The following DNAH5 variants were observed in gnomAD, a reference collection of about 807,000 sequenced individuals.
The protein encoded by DNAH5 is dynein axonemal heavy chain 5.
A neutral mutation model predicts 518.2 loss-of-function variants in DNAH5; 372 were observed. The ratio of observed to expected loss-of-function variants is 0.72; its 90% CI spans 0.66 to 0.78. The LOEUF (loss-of-function observed/expected upper bound fraction) is 0.78, where lower values mean the gene tolerates loss of function less well. Ranked by LOEUF, DNAH5 falls within the 30% of genes least tolerant of loss-of-function variation. DNAH5 has a pLI of 0.00. For missense variants in DNAH5, 5,523 were observed against 5,687.0 expected, an observed-to-expected ratio of 0.97 and a Z score of 0.93; for synonymous variants, 2,039 against 2,025.9, an observed-to-expected ratio of 1.01 and a Z score of -0.17.
At chr5:13,752,048 G>A in intron 64 of DNAH5, 86 bp downstream of exon 64, 1 of 1,391,794 alleles carries the variant, frequency 7.2e-7, no homozygotes, top group Non-Finnish European at 1.0e-6. Flanking sequence ...TTAAGTTGTT[G>A]CCTATTGAGA....
intron 41 of DNAH5, 80 bp downstream of exon 41, chr5:13,820,266 G>A: frequency 7.1e-7 from 1 of 1,414,034 alleles, no homozygotes; most frequent in Middle Eastern, 2.4e-4. Flanking sequence ...GTATCTGCCT[G>A]TGTATCCCTC....
chr5:13,834,604 T>C (rs150549333), intron 35 of DNAH5, among the ~76,000 whole-genome samples: 1 of 152,248 alleles, frequency 6.6e-6, no homozygotes, highest in African/African-American at 2.4e-5. Context: ...GATTTGGAGA[T>C]TGCGGGAGGT....
At chr5:13,739,467 A>G (rs1748086992) in intron 65 of DNAH5, among the ~76,000 whole-genome samples, 1 of 152,132 alleles carries the variant, frequency 6.6e-6, no homozygotes, top group African/African-American at 2.4e-5. Context: ...CTCCCCAGCC[A>G]TGCAGAACTG....
At chr5:13,727,462 T>C in intron 70 of DNAH5, 45 bp downstream of exon 70, 1 of 1,543,152 alleles carries the variant, frequency 6.5e-7, no homozygotes, top group East Asian at 2.3e-5. Flanking sequence ...GAAAATTCTC[T>C]TTAAAAATAT....
intron 1 of DNAH5, among the ~76,000 whole-genome samples, chr5:13,969,952 T>C (rs746268885): frequency 1.3e-5 from 2 of 152,176 alleles, no homozygotes; most frequent in Non-Finnish European, 2.9e-5. Context: ...CTACTAGTAA[T>C]TGTTTTATAA....
intron 1 of DNAH5, among the ~76,000 whole-genome samples, chr5:13,980,448 T>C (rs1035253687): frequency 4.6e-5 from 7 of 152,116 alleles, no homozygotes; most frequent in Non-Finnish European, 7.4e-5. Context: ...TCATGTGCCA[T>C]TTCCGTCCCA....
At chr5:13,755,766 T>A (rs977684577) in intron 61 of DNAH5, among the ~76,000 whole-genome samples, 3 of 151,946 alleles carry the variant, frequency 2.0e-5, no homozygotes, top group Non-Finnish European at 4.4e-5. Context: ...CATTGTTTAT[T>A]AGAAAAAAAA....
rs111313933 is a variant in DNAH5, at chr5:13,788,926, A to C, written c.8449-12T>G. 6.2e-7 allele frequency: 1 copy of C among 1,612,264 alleles called. No individual in the cohort carries two copies. Among genetic ancestry groups the C allele is most frequent in the East Asian group, 2.2e-5 (1 of 44,842 alleles). ...AGCTTTAACAGATCCTGTTGAAAGTATAATTAAAATGTGTTAGTAATTCCT... is the reference window on the plus strand; with the variant it reads ...AGCTTTAACAGATCCTGTTGAAAGTCTAATTAAAATGTGTTAGTAATTCCT... On this transcript the variant is annotated splice_polypyrimidine_tract_variant and intron_variant, in intron 50 of 78. Transcript: ENST00000265104.
At chr5:13,992,816 T>C (rs940460084) in intron 1 of DNAH5, among the ~76,000 whole-genome samples, 1 of 152,194 alleles carries the variant, frequency 6.6e-6, no homozygotes, top group Admixed American at 6.5e-5. Flanking sequence ...GTTCACTGGG[T>C]GTATATTTCC....
At chr5:13,736,078 T>G in intron 66 of DNAH5, 146 bp from the exon 67 acceptor site, 1 of 676,962 alleles carries the variant, frequency 1.5e-6, no homozygotes, top group Non-Finnish European at 2.7e-6. Context: ...CAAAGCGATA[T>G]TCATTTATTA....
intron 1 of DNAH5, 85 bp downstream of exon 1, chr5:13,944,297 C>A (rs1553994453): frequency 5.1e-6 from 7 of 1,377,530 alleles, no homozygotes; most frequent in South Asian, 1.2e-5. Flanking sequence ...GACTTTGAAC[C>A]TTTTTCAAGT....
intron 78 of DNAH5, 88 bp downstream of exon 78, chr5:13,700,552 C>T (rs1741956140): frequency 7.7e-7 from 1 of 1,305,070 alleles, no homozygotes; most frequent in South Asian, 1.2e-5. Flanking sequence ...ATCTCTACTA[C>T]ATGATAACAA....
At chr5:13,921,475 T>TCACTCA (rs1554103993) in intron 5 of DNAH5, among the ~76,000 whole-genome samples, 29 of 73,694 alleles carry the variant, frequency 3.9e-4, no homozygotes, top group African/African-American at 1.3e-3. Context: ...TATCTCTCTC[T>TCACTCA]CACACACACA....
intron 59 of DNAH5, 130 bp from the exon 60 acceptor site, chr5:13,763,031 A>G (rs1336928597): frequency 3.7e-6 from 3 of 817,186 alleles, no homozygotes; most frequent in Non-Finnish European, 6.1e-6. Context: ...TTTTGTCACT[A>G]TTTTAAGATA....
At chr5:13,990,026 A>G (rs1035900649) in intron 1 of DNAH5, among the ~76,000 whole-genome samples, 3 of 152,220 alleles carry the variant, frequency 2.0e-5, no homozygotes, top group South Asian at 2.1e-4. Context: ...AGAGAGGTTA[A>G]GTGACCTACT....
At chr5:13,842,433 A>AGAGAGAGAGAG (rs1561407131) in intron 32 of DNAH5, among the ~76,000 whole-genome samples, 28 of 61,930 alleles carry the variant, frequency 4.5e-4, no homozygotes, top group African/African-American at 1.7e-3. Flanking sequence ...AAAAGAAAGA[A>AGAGAGAGAGAG]AGAAAGAAAG....
At position 13,998,124 on chromosome 5, in the gene DNAH5, G is replaced by A. The variant is rs112783846; in HGVS notation, c.12+13524C>T. 1.4e-4 allele frequency among the ~76,000 whole-genome samples: 22 copies of A among 152,312 alleles called. 1 individual carries two copies. In the East Asian group the frequency reaches 3.1e-3, roughly 21 times the overall value. On this transcript the variant is annotated intron_variant, in intron 1 of 78. Coordinates refer to the DNAH5 transcript ENST00000681290. ...CTCCCAAAGTGCTGGGATTACAGGC[G>A]TGAGCCACCATGCCTGGCCTATTTC...
At chr5:13,800,368 G>A (rs912494484) in intron 47 of DNAH5, among the ~76,000 whole-genome samples, 1 of 152,146 alleles carries the variant, frequency 6.6e-6, no homozygotes, top group African/African-American at 2.4e-5. Flanking sequence ...ACAAAAATAA[G>A]CATATTCAAA....
At chr5:13,788,488 T>A (rs1756434750) in intron 51 of DNAH5, among the ~76,000 whole-genome samples, 1 of 152,202 alleles carries the variant, frequency 6.6e-6, no homozygotes, top group Admixed American at 6.5e-5. Context: ...CCCCCAACTC[T>A]ACTTTAATAT....
Sources: gnomAD v4.1 joint callset for allele counts (sites outside exome capture counted in the v4.1 genomes callset) on GRCh38, gnomAD v4.1.1 for gene constraint, MANE v1.5 for transcripts, NCBI Gene and HGNC (gene_info 2026-07-23, HGNC 2026-07-21) for gene names.